Variants in MCC observed in about 807,000 individuals in gnomAD.
MCC encodes the protein colorectal mutant cancer protein.
Under a neutral mutation model 116.2 loss-of-function variants are expected in MCC, and 90 were observed. The observed-to-expected ratio is 0.77, with a 90% CI of 0.65 to 0.92. The LOEUF (loss-of-function observed/expected upper bound fraction) is 0.92. Among genes scored for constraint, MCC ranks in the 40% least tolerant of loss-of-function variants. The probability of loss-of-function intolerance (pLI) is 0.00; values close to 1 mark genes in which losing one functional copy is unlikely to be tolerated. For synonymous variants in MCC, 578 were observed against 510.5 expected (o/e 1.13, Z -1.78); for missense variants, 1,516 against 1,312.2 (o/e 1.16, Z -2.40).
At chr5:113,107,623 C>T (rs13174483) in intron 6 of MCC, among the ~76,000 whole-genome samples, 69,349 of 152,016 alleles carry the variant, frequency 0.46, 16,071 homozygotes, top group African/African-American at 0.49. Context: ...TGAATGACCA[C>T]GTACCCTCTG....
At chr5:113,188,296 A>T (rs895413821) in intron 3 of MCC, among the ~76,000 whole-genome samples, 3 of 152,200 alleles carry the variant, frequency 2.0e-5, no homozygotes, top group Admixed American at 1.3e-4. Context: ...CTGTCAAACT[A>T]AATTCTTCTC....
chr5:113,050,803 G>C (rs527368027), intron 15 of MCC, among the ~76,000 whole-genome samples: 1 of 152,340 alleles, frequency 6.6e-6, no homozygotes, highest in South Asian at 2.1e-4. Flanking sequence ...AGGAGGGCAG[G>C]TGCTGGCCAG....
At chr5:113,158,197 G>A (rs1483251898) in intron 3 of MCC, among the ~76,000 whole-genome samples, 1 of 152,234 alleles carries the variant, frequency 6.6e-6, no homozygotes, top group African/African-American at 2.4e-5. Context: ...ATGACACTAT[G>A]GGTAAGGGGG....
intron 14 of MCC, among the ~76,000 whole-genome samples, chr5:113,059,220 TA>T (rs1329687913): frequency 1.3e-5 from 2 of 152,268 alleles, no homozygotes; most frequent in Middle Eastern, 3.5e-3. Context: ...AAAATGCTTT[TA>T]GTGGAGAAAG....
At chr5:113,343,371 T>A (rs577578523) in intron 2 of MCC, among the ~76,000 whole-genome samples, 1 of 152,354 alleles carries the variant, frequency 6.6e-6, no homozygotes, top group African/African-American at 2.4e-5. Context: ...TAAAGTCTAT[T>A]GATTGTATTG....
intron 1 of MCC, among the ~76,000 whole-genome samples, chr5:113,415,359 T>C (rs1770112596): frequency 6.6e-6 from 1 of 152,242 alleles, no homozygotes; most frequent in African/African-American, 2.4e-5. Flanking sequence ...TCCTGAAGAA[T>C]GTTTTCCAAC....
intron 1 of MCC, among the ~76,000 whole-genome samples, chr5:113,410,079 C>T (rs913922730): frequency 6.6e-6 from 1 of 152,128 alleles, no homozygotes; most frequent in African/African-American, 2.4e-5. Flanking sequence ...AAATGACATA[C>T]CTATGTCTCT....
At chr5:113,147,126 T>C (rs1759571437) in intron 4 of MCC, among the ~76,000 whole-genome samples, 1 of 152,240 alleles carries the variant, frequency 6.6e-6, no homozygotes, top group Non-Finnish European at 1.5e-5. Context: ...TTTCCTATCA[T>C]GATGATGAAG....
intron 4 of MCC, among the ~76,000 whole-genome samples, chr5:113,148,671 T>C (rs546938380): frequency 6.6e-6 from 1 of 152,328 alleles, no homozygotes; most frequent in African/African-American, 2.4e-5. Context: ...AGTCATTTCA[T>C]TGTTCTTATA....
Position 113,101,786 on chromosome 5 carries a change from C to T in MCC, c.1351G>A (p.Ala451Thr). The part of the protein sequence containing the change: ...SKEEELNRTK[A>T]TMNAIREERD... ...TCTTCCCGGATGGCATTCATGGTGG[C>T]CTTAGTCCGGTTCAGTTCTTCCTCT... is the stretch of plus-strand genomic sequence containing the variant. Residue 451 changes from alanine (A) to threonine (T), a missense_variant, in exon 8 of 19, where the codon GCC becomes ACC. Ala to Thr is a moderately conservative substitution (Grantham distance 58, BLOSUM62 0). Transcript: ENST00000408903. The T allele has an allele frequency of 1.2e-6, 2 of 1,613,498 alleles. No homozygotes were observed. The highest frequency in any genetic ancestry group is 1.7e-6 in the Non-Finnish European group (2 of 1,180,014).
intron 1 of MCC, among the ~76,000 whole-genome samples, chr5:113,430,023 A>T (rs1472463875): frequency 6.6e-6 from 1 of 152,210 alleles, no homozygotes; most frequent in South Asian, 2.1e-4. Context: ...GAGTTCACAG[A>T]TGGAAGAAAC....
intron 3 of MCC, among the ~76,000 whole-genome samples, chr5:113,296,827 T>C (rs1766726267): frequency 6.6e-6 from 1 of 152,194 alleles, no homozygotes; most frequent in Non-Finnish European, 1.5e-5. Context: ...TAGGCTAGTG[T>C]TGAATGTGAT....
chr5:113,083,042 A>G, intron 10 of MCC, 34 bp from the exon 11 acceptor site: 4 of 1,590,012 alleles, frequency 2.5e-6, no homozygotes, highest in Non-Finnish European at 3.4e-6. Context: ...CCTTTGGAAC[A>G]TATCATTTCA....
intron 11 of MCC, among the ~76,000 whole-genome samples, chr5:113,073,794 C>A (rs1754217015): frequency 6.6e-6 from 1 of 152,150 alleles, no homozygotes; most frequent in Non-Finnish European, 1.5e-5. Flanking sequence ...GCACAGCAGT[C>A]TGAGATCAAA....
intron 14 of MCC, among the ~76,000 whole-genome samples, chr5:113,059,198 G>A (rs577660550): frequency 6.6e-6 from 1 of 152,178 alleles, no homozygotes; most frequent in African/African-American, 2.4e-5. Flanking sequence ...CCTGTTGGAA[G>A]CACAGAGCTT....
chr5:113,130,518 G>C (rs908694590), intron 5 of MCC, among the ~76,000 whole-genome samples: 1 of 152,152 alleles, frequency 6.6e-6, no homozygotes, highest in Non-Finnish European at 1.5e-5. Context: ...TTGAGAGCCT[G>C]CTATGGTTTG....
intron 11 of MCC, among the ~76,000 whole-genome samples, chr5:113,078,197 C>T (rs558470989): frequency 3.3e-5 from 5 of 152,124 alleles, no homozygotes; most frequent in Non-Finnish European, 7.4e-5. Context: ...CAGGACCAGA[C>T]AGATTCACAG....
chr5:113,472,870 A>ATCAT (rs1772130767), intron 1 of MCC, among the ~76,000 whole-genome samples: 1 of 152,204 alleles, frequency 6.6e-6, no homozygotes, highest in Admixed American at 6.5e-5. Flanking sequence ...AAAAATCAAA[A>ATCAT]TGCTATTTGG....
intron 3 of MCC, among the ~76,000 whole-genome samples, chr5:113,256,993 G>A (rs1289783446): frequency 6.6e-6 from 1 of 152,136 alleles, no homozygotes; most frequent in African/African-American, 2.4e-5. Context: ...CTGGCAGGAG[G>A]TCTGGATGGT....
Sources: gnomAD v4.1 joint callset for allele counts (sites outside exome capture counted in the v4.1 genomes callset) on GRCh38, gnomAD v4.1.1 for gene constraint, MANE v1.5 for transcripts, NCBI Gene and HGNC (gene_info 2026-07-23, HGNC 2026-07-21) for gene names.